The following MAST4 variants were observed in gnomAD, a reference collection of about 807,000 sequenced individuals.
MAST4 encodes microtubule-associated serine/threonine-protein kinase 4.
In MAST4, 89 loss-of-function variants were observed where a neutral mutation model predicts 162.7. The observed-to-expected ratio is 0.55, with a 90% CI of 0.46 to 0.65. The LOEUF (loss-of-function observed/expected upper bound fraction) is 0.65, where lower values mean the gene tolerates loss of function less well. MAST4 is among the 30% of genes least tolerant of loss of function. The probability of loss-of-function intolerance (pLI) is 0.00; values close to 1 mark genes in which losing one functional copy is unlikely to be tolerated. For synonymous variants in MAST4, 1,479 were observed against 1,361.1 expected (o/e 1.09, Z -1.91); for missense variants, 3,153 against 3,374.0 (o/e 0.93, Z 1.62).
chr5:67,019,630 A>G (rs557780508), intron 4 of MAST4, among the ~76,000 whole-genome samples: 12 of 152,292 alleles, frequency 7.9e-5, no homozygotes, highest in Admixed American at 6.5e-4. Flanking sequence ...ACCATTATTT[A>G]ATTTTCAGAC....
intron 18 of MAST4, among the ~76,000 whole-genome samples, chr5:67,135,938 T>A (rs1358159777): frequency 6.6e-6 from 1 of 152,258 alleles, no homozygotes; most frequent in Non-Finnish European, 1.5e-5. Context: ...GAAAGTATTC[T>A]TAATATTTAT....
At chr5:67,156,116 T>C (rs1772488187) in intron 26 of MAST4, among the ~76,000 whole-genome samples, 1 of 151,696 alleles carries the variant, frequency 6.6e-6, no homozygotes, top group South Asian at 2.1e-4. Context: ...CAAGCGCTCT[T>C]GATGCCTGCC....
intron 2 of MAST4, among the ~76,000 whole-genome samples, chr5:66,761,961 A>C (rs1753870934): frequency 6.6e-6 from 1 of 152,214 alleles, no homozygotes; most frequent in Non-Finnish European, 1.5e-5. Flanking sequence ...ACTTACCTTG[A>C]TTCAACTATT....
intron 1 of MAST4, among the ~76,000 whole-genome samples, chr5:66,630,032 G>C (rs960814993): frequency 6.6e-6 from 1 of 152,076 alleles, no homozygotes; most frequent in African/African-American, 2.4e-5. Context: ...GATAAGAAAA[G>C]ACCATACTAG....
intron 4 of MAST4, among the ~76,000 whole-genome samples, chr5:67,005,549 T>A (rs1226107276): frequency 1.3e-5 from 2 of 152,100 alleles, no homozygotes; most frequent in Admixed American, 1.3e-4. Flanking sequence ...AGCTATTTCA[T>A]ACTATCTGTG....
chr5:66,830,358 A>G (rs888283767), intron 3 of MAST4, among the ~76,000 whole-genome samples: 1 of 152,170 alleles, frequency 6.6e-6, no homozygotes, highest in African/African-American at 2.4e-5. Context: ...CATGGTTTTC[A>G]TGGGCCTTTA....
Position 67,165,908 on chromosome 5 carries a change from T to C in MAST4, c.6729T>C (p.Ser2243=), listed in dbSNP as rs1773877666. Residue 2243 remains serine (S), a synonymous_variant, in exon 29 of 29, where the codon AGT becomes AGC. Coordinates refer to ENST00000403625, the MANE Select transcript of MAST4 (RefSeq NM_001164664.2). ...GGSSREGKGH[S]KSGPDVFPAT... is the part of the protein sequence containing the mutation. ...CTAGCAGAGAGGGGAAGGGCCACAG[T>C]AAGAGTGGGCCGGATGTGTTTCCTG... 1.2e-6 allele frequency: 2 copies of C among 1,613,198 alleles called. No homozygotes were observed. Among genetic ancestry groups the C allele is most frequent in the Non-Finnish European group, 1.7e-6 (2 of 1,179,866 alleles).
chr5:66,820,784 T>A (rs1756955807), intron 3 of MAST4, among the ~76,000 whole-genome samples: 1 of 152,198 alleles, frequency 6.6e-6, no homozygotes, highest in South Asian at 2.1e-4. Context: ...TGTATGTGAT[T>A]TATATTTTAT....
At chr5:66,845,349 A>G (rs1439998653) in intron 3 of MAST4, among the ~76,000 whole-genome samples, 1 of 151,364 alleles carries the variant, frequency 6.6e-6, no homozygotes, top group East Asian at 2.0e-4. Flanking sequence ...ATTCCCACCT[A>G]TGAGTAAGAA....
intron 4 of MAST4, among the ~76,000 whole-genome samples, chr5:66,912,310 T>TTTGCTTTGCATGG (rs1763829894): frequency 6.6e-6 from 1 of 152,148 alleles, no homozygotes; most frequent in African/African-American, 2.4e-5. Flanking sequence ...GGCACATGAG[T>TTTGCTTTGCATGG]GGGTTTACCA....
chr5:67,065,782 T>C (rs1416626352), intron 5 of MAST4, among the ~76,000 whole-genome samples: 1 of 152,264 alleles, frequency 6.6e-6, no homozygotes, highest in Non-Finnish European at 1.5e-5. Context: ...TTATGATGCT[T>C]TAATGCAGAT....
intron 1 of MAST4, among the ~76,000 whole-genome samples, chr5:66,612,557 A>G (rs16895303): frequency 0.17 from 25,499 of 152,174 alleles, 2,447 homozygotes; most frequent in East Asian, 0.28. Context: ...CAAAAGAAAT[A>G]ATAGATCTGG....
intron 2 of MAST4, among the ~76,000 whole-genome samples, chr5:66,784,218 T>C (rs561102295): frequency 6.6e-6 from 1 of 152,130 alleles, no homozygotes; most frequent in African/African-American, 2.4e-5. Flanking sequence ...TCTTGAGGAG[T>C]TGAGGGAATG....
intron 4 of MAST4, among the ~76,000 whole-genome samples, chr5:66,948,145 C>T (rs919459432): frequency 2.0e-5 from 3 of 152,056 alleles, no homozygotes; most frequent in Non-Finnish European, 2.9e-5. Flanking sequence ...GGCTGAGGGA[C>T]TAAGTTCCCA....
intron 6 of MAST4, chr5:67,093,778 TC>T: frequency 2.6e-6 from 1 of 379,142 alleles, no homozygotes; most frequent in Non-Finnish European, 5.4e-6. Flanking sequence ...AGAAATTGTG[TC>T]CCTCACTCTT....
rs183548396 is a variant in MAST4 at position 67,022,194 on chromosome 5, G to A, written c.675-32210G>A. On this transcript the variant is annotated intron_variant, in intron 4 of 28. Coordinates refer to ENST00000403625, the MANE Select transcript of MAST4 (RefSeq NM_001164664.2). Reference sequence around the variant, plus strand: ...AAAGCACCGCACAGTGAGCATATTCGTGCTTATAGCTTTTTCTGTCTTTTG... The same window carrying A: ...AAAGCACCGCACAGTGAGCATATTCATGCTTATAGCTTTTTCTGTCTTTTG... Among the ~76,000 whole-genome samples the A allele has an allele frequency of 1.6e-3, 250 of 152,230 alleles. 1 individual carries two copies. Among genetic ancestry groups the A allele is most frequent in the Non-Finnish European group, 2.7e-3 (182 of 67,996 alleles).
chr5:66,898,051 A>T (rs1762794969), intron 3 of MAST4, among the ~76,000 whole-genome samples: 1 of 152,230 alleles, frequency 6.6e-6, no homozygotes, highest in Admixed American at 6.5e-5. Flanking sequence ...ATAACACCTC[A>T]GGTACCTTTT....
At chr5:66,689,536 C>G (rs934461796) in intron 1 of MAST4, among the ~76,000 whole-genome samples, 1 of 152,148 alleles carries the variant, frequency 6.6e-6, no homozygotes, top group African/African-American at 2.4e-5. Flanking sequence ...CCTACCAGTG[C>G]TCTGTCTTCC....
rs77505782 is a variant in MAST4 at position 66,735,228 on chromosome 5, C to A, written c.364-24481C>A. 4.4e-3 allele frequency among the ~76,000 whole-genome samples: 676 copies of A among 152,212 alleles called. 5 individuals are homozygous for A. The highest frequency in any genetic ancestry group is 0.014 in the African/African-American group (598 of 41,556). ...AAGTGCTCAGCTTGCTATCTTGGAA[C>A]TACAGAAATTGTTTTATATTCAGAA... On this transcript the variant is annotated intron_variant, in intron 1 of 28. Transcript: ENST00000403625.
Sources: allele counts gnomAD v4.1 joint callset (sites outside exome capture counted in the v4.1 genomes callset), GRCh38; gene constraint gnomAD v4.1.1; transcripts MANE v1.5; gene names NCBI Gene and HGNC (gene_info 2026-07-23, HGNC 2026-07-21).